The following XCR1 variants were observed in gnomAD, a reference collection of about 807,000 sequenced individuals.
The protein encoded by XCR1 is chemokine XC receptor 1.
For synonymous variants in XCR1, 187 were observed against 188.5 expected (o/e 0.99, Z 0.06); for missense variants, 356 against 424.2 (o/e 0.84, Z 1.41).
At position 46,078,664 on chromosome 3, in the gene XCR1, G is replaced by C. The variant is rs77246783; in HGVS notation, c.-514-1738C>G. On this transcript the variant is annotated intron_variant, in intron 1 of 5. Transcript: ENST00000683768. ...TTTAAAATTGCAGCTGCTTCCTATT[G>C]TTTGAAATTCAGACTTGGATGTTTC... is the stretch of plus-strand genomic sequence containing the variant. Among the ~76,000 whole-genome samples the C allele has an allele frequency of 4.6e-3, 693 of 152,300 alleles. 4 individuals carry two copies. The highest frequency in any genetic ancestry group is 0.015 in the African/African-American group (643 of 41,554).
upstream of XCR1, among the ~76,000 whole-genome samples, chr3:46,028,051 A>T (rs910102325): frequency 2.0e-5 from 3 of 152,168 alleles, no homozygotes; most frequent in Non-Finnish European, 4.4e-5. Context: ...GTATTTCCTC[A>T]TTCTAAGCCT....
In XCR1 at chr3:46,020,893, C is replaced by T; in HGVS notation, c.*53G>A. On this transcript the variant is annotated 3_prime_UTR_variant, in exon 2 of 2. Coordinates refer to ENST00000309285, the MANE Select transcript of XCR1 (RefSeq NM_001024644.2). ...CCTTCCAGGCCCGCTTCTCCATGAC[C>T]CCCATTCCAGTCCCTGTCCACCTGC... The T allele has an allele frequency of 6.4e-7, 1 of 1,573,324 alleles. No homozygotes were observed. The highest frequency in any genetic ancestry group is 8.6e-7 in the Non-Finnish European group (1 of 1,161,250).
chr3:46,023,897 A>C (rs1223510497), intron 1 of XCR1: 8 of 1,508,710 alleles, frequency 5.3e-6, no homozygotes, highest in Non-Finnish European at 7.4e-6. Flanking sequence ...TAAAGGCTGA[A>C]AAGGCCAGAC....
chr3:46,026,068 CTA>C (rs1370601634), intron 1 of XCR1, among the ~76,000 whole-genome samples: 4 of 152,002 alleles, frequency 2.6e-5, no homozygotes, highest in Non-Finnish European at 5.9e-5. Flanking sequence ...AAGAAAAAAA[CTA>C]TATGATCTTT....
intron 5 of XCR1, among the ~76,000 whole-genome samples, chr3:46,038,023 G>GTTTTTT (rs1254638392): frequency 9.5e-6 from 1 of 105,112 alleles, no homozygotes; most frequent in African/African-American, 6.5e-5. Context: ...GCACGGGTTT[G>GTTTTTT]TTTTTTGTTT....
chr3:46,078,326 C>T (rs1698297289), intron 1 of XCR1, among the ~76,000 whole-genome samples: 1 of 152,168 alleles, frequency 6.6e-6, no homozygotes, highest in African/African-American at 2.4e-5. Flanking sequence ...AGACTCAGCG[C>T]CTGGCCAGCT....
Position 46,021,568 on chromosome 3 carries a change from C to T in XCR1, c.380G>A (p.Arg127His), listed in dbSNP as rs763499318. The T allele has an allele frequency of 7.5e-6, 12 of 1,610,554 alleles. No individual in the cohort carries two copies. The highest frequency in any genetic ancestry group is 1.6e-4 in the Middle Eastern group (1 of 6,076). Reference protein sequence around the residue: ...IFFLTIMTIHRYLSVVSPLST... With the variant: ...IFFLTIMTIHHYLSVVSPLST... The stretch of plus-strand genomic sequence containing the variant: ...GAGGGGGCTCACTACCGACAGGTAG[C>T]GGTGGATGGTCATGATGGTCAGGAA... The change falls in exon 2 of 2, where the codon CGC becomes CAC. Residue 127 changes from arginine to histidine, a missense_variant. Coordinates refer to ENST00000309285, the MANE Select transcript of XCR1 (RefSeq NM_001024644.2). This position sits in a 1 kb window ranked among gnomAD's most constrained non-coding sequence, Gnocchi z 4.7.
chr3:46,055,600 C>T (rs902359962), intron 4 of XCR1, among the ~76,000 whole-genome samples: 6 of 152,232 alleles, frequency 3.9e-5, no homozygotes. Context: ...CCCATCTCCT[C>T]ATTCAGTGGC....
chr3:46,067,314 G>T (rs1011833452), intron 3 of XCR1, among the ~76,000 whole-genome samples: 12 of 152,126 alleles, frequency 7.9e-5, no homozygotes, highest in Non-Finnish European at 4.4e-5. Flanking sequence ...CAGGGAGAGG[G>T]GGCTGAATGC....
intron 3 of XCR1, among the ~76,000 whole-genome samples, chr3:46,068,642 G>A (rs148192737): frequency 1.3e-5 from 2 of 152,066 alleles, no homozygotes; most frequent in Non-Finnish European, 2.9e-5. Flanking sequence ...TAAAGATGCC[G>A]AGCCAACCTG....
intron 1 of XCR1, chr3:46,022,201 C>CCG (rs545961888): frequency 2.9e-4 from 115 of 396,344 alleles, no homozygotes; most frequent in African/African-American, 1.9e-3. Context: ...CTCAGGAAAC[C>CCG]GGGGGGTGGG....
chr3:46,021,907 T>G lies in XCR1; in HGVS notation c.41A>C (p.Tyr14Ser), dbSNP rs751305976. 1 of 1,613,242 alleles carries G rather than the reference T, an allele frequency of 6.2e-7. No homozygotes were observed. Residue 14 changes from tyrosine to serine, a missense_variant, in exon 2 of 2, where the codon TAC (tyrosine) becomes TCC (serine). Transcript: ENST00000309285. The surrounding 1 kb of genome is among the most constrained non-coding windows in gnomAD (Gnocchi z 4.7). ...SGNPESTTFFYYDLQSQPCEN... is the reference protein window; with the variant it reads ...SGNPESTTFFSYDLQSQPCEN... ...ACACGGCTGGCTCTGAAGGTCATAG[T>G]AAAAAAAGGTGGTGCTCTCTGGGTT...
chr3:46,031,794 C>T (rs1708399671), upstream of XCR1, among the ~76,000 whole-genome samples: 1 of 152,176 alleles, frequency 6.6e-6, no homozygotes, highest in South Asian at 2.1e-4. Context: ...TGGACTCAGC[C>T]AGATTTGGGA....
intron 4 of XCR1, among the ~76,000 whole-genome samples, chr3:46,059,878 A>G (rs1271435704): frequency 1.3e-5 from 2 of 152,248 alleles, no homozygotes; most frequent in African/African-American, 2.4e-5. Context: ...CATACTTTCT[A>G]TTAACATGAT....
At chr3:46,081,927 C>T (rs1163844627) in intron 1 of XCR1, among the ~76,000 whole-genome samples, 1 of 152,088 alleles carries the variant, frequency 6.6e-6, no homozygotes, top group Non-Finnish European at 1.5e-5. Context: ...CAATGTTTAG[C>T]TCCCACTTAC....
intron 5 of XCR1, among the ~76,000 whole-genome samples, chr3:46,043,022 A>AC (rs1465761441): frequency 6.8e-6 from 1 of 146,464 alleles, no homozygotes; most frequent in African/African-American, 2.8e-5. Flanking sequence ...TTCAATATAA[A>AC]AAAATCAATA....
chr3:46,021,793 A>G lies in XCR1; in HGVS notation c.155T>C (p.Val52Ala). 6.2e-7 allele frequency: 1 copy of G among 1,614,108 alleles called. No homozygotes were observed. The highest frequency in any genetic ancestry group is 8.5e-7 in the Non-Finnish European group (1 of 1,180,014). ...CTCATACTTCACCAGGACCCACAGG[A>G]CCAGGCTGTTGCCCACTAGGCTGAG... ...FLLSLVGNSL[V>A]LWVLVKYESL... Residue 52 changes from valine (V) to alanine (A), a missense_variant, in exon 2 of 2, where the codon GTC becomes GCC. Physicochemically the swap from Val to Ala is moderately conservative, Grantham distance 64. Coordinates refer to ENST00000309285, the MANE Select transcript of XCR1 (RefSeq NM_001024644.2). This position sits in a 1 kb window ranked among gnomAD's most constrained non-coding sequence, Gnocchi z 4.7.
chr3:46,023,778 A>T lies in XCR1; in HGVS notation c.-31-1800T>A, dbSNP rs1388809691. ...AGCCATGTATTGGAAGCAAAGCCCC[A>T]GAAGATGATAAAACAATTATAGAGG... On this transcript the variant is annotated intron_variant, in intron 1 of 1. Transcript: ENST00000309285. The T allele has an allele frequency of 1.1e-5, 17 of 1,543,182 alleles. No individual in the cohort carries two copies. In the East Asian group the frequency reaches 3.8e-4, roughly 35 times the overall value.
At chr3:46,031,026 C>T (rs536471109), upstream of XCR1, among the ~76,000 whole-genome samples, 6 of 152,314 alleles carry the variant, frequency 3.9e-5, no homozygotes, top group East Asian at 5.8e-4. Flanking sequence ...GGGGAAAATG[C>T]GGAGAGGAGG....
Sources: gnomAD v4.1 joint callset for allele counts (sites outside exome capture counted in the v4.1 genomes callset) on GRCh38, gnomAD v4.1.1 for gene constraint, Gnocchi (gnomAD v3.1) non-coding constraint, MANE v1.5 for transcripts, NCBI Gene and HGNC (gene_info 2026-07-23, HGNC 2026-07-21) for gene names.